The following DGKB variants were observed in gnomAD, a reference collection of about 807,000 sequenced individuals.
The protein encoded by DGKB is diacylglycerol kinase beta.
Under a neutral mutation model 114.3 loss-of-function variants are expected in DGKB, and 67 were observed. That is an observed-to-expected ratio of 0.59 (90% CI 0.48 to 0.72). The LOEUF is 0.72. Ranked by LOEUF, DGKB falls within the 30% of genes least tolerant of loss-of-function variation. The pLI, the probability that DGKB is intolerant of heterozygous loss-of-function variation, is 0.00. For missense variants in DGKB, 907 were observed against 975.2 expected (o/e 0.93, Z 0.93); for synonymous variants, 398 against 323.1 (o/e 1.23, Z -2.49).
intron 25 of DGKB, among the ~76,000 whole-genome samples, chr7:14,161,492 G>C (rs1562500715): frequency 6.6e-6 from 1 of 151,128 alleles, no homozygotes; most frequent in Non-Finnish European, 1.5e-5. Flanking sequence ...CATAAAAAAG[G>C]ATGAATGAGT....
At chr7:14,825,426 T>C (rs1180611497) in intron 2 of DGKB, among the ~76,000 whole-genome samples, 3 of 152,178 alleles carry the variant, frequency 2.0e-5, no homozygotes, top group African/African-American at 7.2e-5. Context: ...TGCAACTGGA[T>C]GGTCCCATTG....
chr7:14,161,077 G>A (rs1783806518), intron 25 of DGKB, among the ~76,000 whole-genome samples: 1 of 152,156 alleles, frequency 6.6e-6, no homozygotes, highest in Admixed American at 6.5e-5. Flanking sequence ...ATCATCACTG[G>A]TCATTAGAGA....
intron 1 of DGKB, among the ~76,000 whole-genome samples, chr7:14,963,167 G>A (rs1176813720): frequency 6.6e-6 from 1 of 152,054 alleles, no homozygotes; most frequent in Non-Finnish European, 1.5e-5. Flanking sequence ...GAGCAGAAAC[G>A]TTTTGTTATT....
chr7:14,563,693 T>C (rs1797002689), intron 20 of DGKB, among the ~76,000 whole-genome samples: 1 of 151,868 alleles, frequency 6.6e-6, no homozygotes, highest in African/African-American at 2.4e-5. Context: ...TGGTCCACTG[T>C]TGGGAATATC....
chr7:14,445,308 T>C (rs1830583703), intron 21 of DGKB, among the ~76,000 whole-genome samples: 1 of 151,912 alleles, frequency 6.6e-6, no homozygotes, highest in South Asian at 2.1e-4. Context: ...TTTAAATATA[T>C]AATCCAAGAG....
intron 1 of DGKB, among the ~76,000 whole-genome samples, chr7:14,933,443 A>C (rs971856808): frequency 6.6e-6 from 1 of 152,126 alleles, no homozygotes; most frequent in African/African-American, 2.4e-5. Flanking sequence ...AGTGCTTTGC[A>C]TATCATATAT....
At chr7:14,175,073 TG>T (rs1292311353) in intron 25 of DGKB, among the ~76,000 whole-genome samples, 4 of 152,250 alleles carry the variant, frequency 2.6e-5, no homozygotes, top group African/African-American at 9.6e-5. Context: ...CATGCTAATC[TG>T]TGCTGTTTGA....
intron 2 of DGKB, among the ~76,000 whole-genome samples, chr7:14,837,399 T>G (rs990869311): frequency 1.1e-4 from 17 of 152,204 alleles, no homozygotes; most frequent in Non-Finnish European, 2.4e-4. Context: ...TTGAATGATT[T>G]GGTTTTGCTG....
At chr7:14,266,575 G>C (rs910192516) in intron 23 of DGKB, among the ~76,000 whole-genome samples, 1 of 152,144 alleles carries the variant, frequency 6.6e-6, no homozygotes, top group Non-Finnish European at 1.5e-5. Context: ...AGGTAAAGAG[G>C]CATCTGTGTT....
intron 2 of DGKB, among the ~76,000 whole-genome samples, chr7:14,770,710 C>T (rs560023673): frequency 6.6e-6 from 1 of 152,190 alleles, no homozygotes; most frequent in African/African-American, 2.4e-5. Context: ...TGCCTCCTAG[C>T]ACCACTGTTA....
At chr7:14,902,571 A>G (rs1226859483) in intron 1 of DGKB, 21 bp downstream of exon 1, 1 of 152,302 alleles carries the variant, frequency 6.6e-6, no homozygotes, top group Non-Finnish European at 1.5e-5. Flanking sequence ...CAATTTGCCA[A>G]CCATGTCCAG....
At chr7:14,307,071 C>G (rs1263825940) in intron 23 of DGKB, among the ~76,000 whole-genome samples, 1 of 136,430 alleles carries the variant, frequency 7.3e-6, no homozygotes, top group Non-Finnish European at 1.6e-5. Context: ...TTATAATTAC[C>G]AACTTAATTT....
intron 13 of DGKB, among the ~76,000 whole-genome samples, chr7:14,659,371 A>G (rs918695701): frequency 4.6e-5 from 7 of 151,982 alleles, no homozygotes; most frequent in African/African-American, 1.7e-4. Context: ...TGAGCATGGA[A>G]TGTTCTTCCA....
In DGKB at chr7:14,580,907, G is replaced by A. The variant is rs1799827936; in HGVS notation, c.1564C>T (p.Leu522Phe). 1 of 1,604,274 alleles carries A rather than the reference G, an allele frequency of 6.2e-7. No homozygotes were observed. Among genetic ancestry groups the A allele is most frequent in the African/African-American group, 1.3e-5 (1 of 74,870 alleles). ...CTTGCTAGATCATTGCCAGTCCCAA[G>A]AGGCAGAATCGCAACTGGAGGATGC... is the stretch of plus-strand genomic sequence containing the variant. ...GKHPPVAILP[L>F]GTGNDLARCL... The change falls in exon 19 of 26, where the codon CTT becomes TTT. Residue 522 changes from leucine (L) to phenylalanine (F), a missense_variant. Coordinates refer to ENST00000402815, the MANE Select transcript of DGKB (RefSeq NM_001350709.2).
At position 14,789,740 on chromosome 7, in the gene DGKB, A is replaced by T. The variant is rs1840401847; in HGVS notation, c.71-32009T>A. Among the ~76,000 whole-genome samples the T allele has an allele frequency of 5.3e-5, 8 of 152,126 alleles. No individual in the cohort carries two copies. In the South Asian group the frequency reaches 1.7e-3, roughly 31 times the overall value. ...TGGCTAATTTAAAAAAAAATTTTGC[A>T]GAGTTATGGTCTCATACAGGCTTTT... On this transcript the variant is annotated intron_variant, in intron 2 of 25. Coordinates refer to ENST00000402815, the MANE Select transcript of DGKB (RefSeq NM_001350709.2).
At chr7:14,313,987 C>G (rs7791370) in intron 23 of DGKB, among the ~76,000 whole-genome samples, 98,510 of 152,034 alleles carry the variant, frequency 0.65, 33,017 homozygotes, top group South Asian at 0.74. Flanking sequence ...GACCCCCGAG[C>G]AGTTTAACTG....
At chr7:14,367,824 C>T (rs953027473) in intron 21 of DGKB, among the ~76,000 whole-genome samples, 4 of 151,814 alleles carry the variant, frequency 2.6e-5, no homozygotes, top group African/African-American at 4.8e-5. Flanking sequence ...GGGGAAACTG[C>T]CAAACACTGT....
chr7:14,329,303 G>T (rs1809296350), intron 23 of DGKB, among the ~76,000 whole-genome samples: 1 of 151,678 alleles, frequency 6.6e-6, no homozygotes, highest in Non-Finnish European at 1.5e-5. Flanking sequence ...CTAGAGTGTG[G>T]CCATTATATC....
intron 20 of DGKB, among the ~76,000 whole-genome samples, chr7:14,503,482 T>C (rs1786528003): frequency 6.6e-6 from 1 of 152,198 alleles, no homozygotes; most frequent in African/African-American, 2.4e-5. Flanking sequence ...TTGACTCATC[T>C]TTACTTAATA....
Sources: allele counts gnomAD v4.1 joint callset (sites outside exome capture counted in the v4.1 genomes callset), GRCh38; gene constraint gnomAD v4.1.1; transcripts MANE v1.5; gene names NCBI Gene and HGNC (gene_info 2026-07-23, HGNC 2026-07-21).